The following MYO1E variants were observed in gnomAD, a reference collection of about 807,000 sequenced individuals.
MYO1E encodes unconventional myosin-Ie.
MYO1E carries 68 observed loss-of-function variants against 151.1 expected under a neutral mutation model. The ratio of observed to expected loss-of-function variants is 0.45; its 90% confidence interval spans 0.37 to 0.55. The LOEUF is 0.55. Ranked by LOEUF, MYO1E falls within the 20% of genes least tolerant of loss-of-function variation. MYO1E has a pLI of 0.00. For synonymous variants in MYO1E, 601 were observed against 501.7 expected (o/e 1.20, Z -2.64); for missense variants, 1,363 against 1,389.3 (o/e 0.98, Z 0.30).
At chr15:59,312,858 A>AAATAATAAT (rs35710505) in intron 1 of MYO1E, among the ~76,000 whole-genome samples, 11 of 150,538 alleles carry the variant, frequency 7.3e-5, no homozygotes, top group African/African-American at 2.7e-4. Flanking sequence ...ACTCTACTAA[A>AAATAATAAT]AATAATAATA....
rs1566960208 is a variant in MYO1E at position 59,133,376 on chromosome 15, TAAA to T, written c.*4001_*4003del. 1.3e-5 allele frequency: 2 copies of T among 151,592 alleles called. No individual in the cohort carries two copies. Among genetic ancestry groups the T allele is most frequent in the Non-Finnish European group, 2.9e-5 (2 of 67,978 alleles). The allele number at this position is 151,592 out of a possible 1,614,324, so 9.4% of individuals were successfully genotyped here. On this transcript the variant is annotated 3_prime_UTR_variant, in exon 28 of 28. Coordinates refer to ENST00000288235, the MANE Select transcript of MYO1E (RefSeq NM_004998.4). ...GACAAAGTGAGGTGCTGTCTGAAAA[TAAA>T]AACGCACAGGCCTTTGACTCAGAGT...
Position 59,216,699 on chromosome 15 carries a change from C to T in MYO1E, c.1107+1192G>A, listed in dbSNP as rs1445132670. Reference sequence around the variant, plus strand: ...ATATATATATATACACATACACACACACACACACACACACACACACACACA... The same window carrying T: ...ATATATATATATACACATACACACATACACACACACACACACACACACACA... On this transcript the variant is annotated intron_variant, in intron 10 of 27. Coordinates refer to ENST00000288235, the MANE Select transcript of MYO1E (RefSeq NM_004998.4). Among the ~76,000 whole-genome samples, 108 of 53,952 alleles carry T rather than the reference C, an allele frequency of 2.0e-3. 3 individuals are homozygous for T. The highest frequency in any genetic ancestry group is 6.5e-3 in the African/African-American group (88 of 13,614). 35.4% of individuals were successfully genotyped at this position (53,952 alleles called of 152,430 possible).
chr15:59,372,364 C>T (rs1289836834), intron 1 of MYO1E, 134 bp downstream of exon 1: 20 of 1,101,940 alleles, frequency 1.8e-5, no homozygotes, highest in East Asian at 2.6e-5. Flanking sequence ...AATCAGAGCT[C>T]GCGACGTGCC....
chr15:59,178,668 G>T (rs2079640182), intron 18 of MYO1E, 131 bp from the exon 19 acceptor site: 1 of 1,230,560 alleles, frequency 8.1e-7, no homozygotes, highest in Non-Finnish European at 1.1e-6. Context: ...CTGTTTACCA[G>T]CGTTCGAAGG....
intron 4 of MYO1E, among the ~76,000 whole-genome samples, chr15:59,238,844 T>C (rs1217918855): frequency 6.6e-6 from 1 of 152,022 alleles, no homozygotes; most frequent in Non-Finnish European, 1.5e-5. Context: ...GTGCTGGGAT[T>C]ACAGGTGTGA....
At chr15:59,263,004 T>C (rs1025148828) in intron 2 of MYO1E, among the ~76,000 whole-genome samples, 1 of 149,330 alleles carries the variant, frequency 6.7e-6, no homozygotes, top group Non-Finnish European at 1.5e-5. Flanking sequence ...AGAATAAATA[T>C]AACTTCTTGA....
In MYO1E at chr15:59,214,248, G is replaced by C. The variant is rs745640612; in HGVS notation, c.1255C>G (p.Leu419Val). The change falls in exon 12 of 28, where the codon CTG becomes GTG. Residue 419 changes from leucine to valine, a missense_variant. By Grantham distance (32) the Leu-to-Val change is conservative. Coordinates refer to ENST00000288235, the MANE Select transcript of MYO1E (RefSeq NM_004998.4). Reference protein sequence around the residue: ...NEKLQQIFIELTLKAEQEEYV... With the variant: ...NEKLQQIFIEVTLKAEQEEYV... Reference sequence around the variant, plus strand: ...CTTACCTGTTCTGCCTTTAATGTCAGTTCAATAAAAATCTGCTGCAGTTTT... The same window carrying C: ...CTTACCTGTTCTGCCTTTAATGTCACTTCAATAAAAATCTGCTGCAGTTTT... The C allele has an allele frequency of 9.9e-6, 16 of 1,612,686 alleles. No individual in the cohort carries two copies. Among genetic ancestry groups the C allele is most frequent in the Non-Finnish European group, 1.4e-5 (16 of 1,179,324 alleles).
At chr15:59,194,944 T>C (rs2079756702) in intron 17 of MYO1E, among the ~76,000 whole-genome samples, 1 of 152,068 alleles carries the variant, frequency 6.6e-6, no homozygotes, top group Non-Finnish European at 1.5e-5. Flanking sequence ...CCTCCCAGAG[T>C]CGTTCTTCTC....
chr15:59,254,936 C>A (rs1049402897), intron 4 of MYO1E, among the ~76,000 whole-genome samples: 2 of 152,092 alleles, frequency 1.3e-5, no homozygotes, highest in Non-Finnish European at 2.9e-5. Flanking sequence ...AGTGATTCTC[C>A]TGCCTCAGCC....
intron 23 of MYO1E, among the ~76,000 whole-genome samples, chr15:59,161,527 G>A (rs2079538478): frequency 6.6e-6 from 1 of 152,316 alleles, no homozygotes; most frequent in East Asian, 1.9e-4. Flanking sequence ...TCTCAGAGGC[G>A]CCTGCTGAGG....
chr15:59,222,260 C>T (rs1181498796), intron 9 of MYO1E, among the ~76,000 whole-genome samples: 1 of 152,160 alleles, frequency 6.6e-6, no homozygotes, highest in African/African-American at 2.4e-5. Flanking sequence ...CTAAATTTAT[C>T]ATCCTTAAAG....
chr15:59,337,739 G>A (rs1158641448), intron 1 of MYO1E, among the ~76,000 whole-genome samples: 1 of 152,198 alleles, frequency 6.6e-6, no homozygotes. Context: ...GGCTGAGGCA[G>A]GAGAATCGCT....
At chr15:59,157,575 G>A (rs962185736) in intron 25 of MYO1E, among the ~76,000 whole-genome samples, 2 of 151,984 alleles carry the variant, frequency 1.3e-5, no homozygotes, top group African/African-American at 4.8e-5. Flanking sequence ...GCCTATCCAT[G>A]CTGTGTGTGC....
At chr15:59,354,857 C>T (rs981440903) in intron 1 of MYO1E, among the ~76,000 whole-genome samples, 5 of 152,136 alleles carry the variant, frequency 3.3e-5, no homozygotes, top group Non-Finnish European at 5.9e-5. Context: ...ACCAGCTTCC[C>T]TCCACAGCTA....
chr15:59,283,764 C>T (rs2080370835), intron 1 of MYO1E, among the ~76,000 whole-genome samples: 2 of 144,488 alleles, frequency 1.4e-5, no homozygotes, highest in South Asian at 4.1e-4. Context: ...GGCTTCAAAC[C>T]CAGGCAGTCT....
At chr15:59,185,421 C>A (rs2079689919) in intron 18 of MYO1E, among the ~76,000 whole-genome samples, 2 of 152,220 alleles carry the variant, frequency 1.3e-5, no homozygotes, top group South Asian at 4.1e-4. Context: ...ATGCATGCCA[C>A]TGCACCTGGC....
rs74922546 is a variant in MYO1E at position 59,348,114 on chromosome 15, G to T, written c.3+24384C>A. ...TTTGATGCCTCGCCATGTTTTGGAG[G>T]CCTCTGGTCTAGGGTCAATGCCACA... is the stretch of plus-strand genomic sequence containing the variant. On this transcript the variant is annotated intron_variant, in intron 1 of 27. Transcript: ENST00000288235. Among the ~76,000 whole-genome samples, 19 of 151,768 alleles carry T rather than the reference G, an allele frequency of 1.3e-4. No individual in the cohort carries two copies. The East Asian group carries it at 3.3e-3, about 26-fold the overall frequency.
rs577764368 is a variant in MYO1E at position 59,254,118 on chromosome 15, G to T, written c.332+2166C>A. On this transcript the variant is annotated intron_variant, in intron 4 of 27. Coordinates refer to ENST00000288235, the MANE Select transcript of MYO1E (RefSeq NM_004998.4). Reference sequence around the variant, plus strand: ...TATAAAAGAATTCTTCCTGTTTAAGGTGTGATAAGAATGATTTCTTAGAGG... The same window carrying T: ...TATAAAAGAATTCTTCCTGTTTAAGTTGTGATAAGAATGATTTCTTAGAGG... 2.1e-3 allele frequency among the ~76,000 whole-genome samples: 323 copies of T among 152,162 alleles called. 2 individuals carry two copies. The highest frequency in any genetic ancestry group is 7.3e-3 in the African/African-American group (303 of 41,520).
chr15:59,264,216 T>C (rs1435463328), intron 2 of MYO1E, among the ~76,000 whole-genome samples: 2 of 152,150 alleles, frequency 1.3e-5, no homozygotes, highest in Non-Finnish European at 1.5e-5. Context: ...GCATTTCAAA[T>C]TTGGAATTTT....
Sources: allele counts gnomAD v4.1 joint callset (sites outside exome capture counted in the v4.1 genomes callset), GRCh38; gene constraint gnomAD v4.1.1; transcripts MANE v1.5; gene names NCBI Gene and HGNC (gene_info 2026-07-23, HGNC 2026-07-21).